The following MCPH1 variants were observed in gnomAD, a reference collection of about 807,000 sequenced individuals.
MCPH1 encodes the protein microcephalin 1.
A neutral mutation model predicts 84.5 loss-of-function variants in MCPH1; 104 were observed. The observed-to-expected ratio is 1.23, with a 90% CI of 1.05 to 1.45. The LOEUF (loss-of-function observed/expected upper bound fraction) is 1.45, where lower values mean the gene tolerates loss of function less well. Among genes scored for constraint, MCPH1 ranks in the 40% most tolerant of loss-of-function variants. The pLI, the probability that MCPH1 is intolerant of heterozygous loss-of-function variation, is 0.00. For synonymous variants in MCPH1, 514 were observed against 366.8 expected, an observed-to-expected ratio of 1.40 and a Z score of -4.58; for missense variants, 1,498 against 1,005.7, an observed-to-expected ratio of 1.49 and a Z score of -6.62.
At chr8:6,569,676 G>A (rs1306585618) in intron 12 of MCPH1, among the ~76,000 whole-genome samples, 1 of 152,212 alleles carries the variant, frequency 6.6e-6, no homozygotes, top group Non-Finnish European at 1.5e-5. Context: ...GTGTGTGTCT[G>A]TCTTTTATGT....
chr8:6,425,916 C>T (rs572127374), intron 3 of MCPH1, among the ~76,000 whole-genome samples: 12 of 152,154 alleles, frequency 7.9e-5, no homozygotes, highest in Non-Finnish European at 1.6e-4. Flanking sequence ...CTACGTCTTT[C>T]GTCCAGATGC....
intron 11 of MCPH1, among the ~76,000 whole-genome samples, chr8:6,498,894 C>G (rs1811610454): frequency 6.6e-6 from 1 of 151,288 alleles, no homozygotes; most frequent in Admixed American, 6.6e-5. Context: ...ACTACAAATA[C>G]AAAAAAAATT....
At chr8:6,474,880 C>T (rs1331794009) in intron 9 of MCPH1, among the ~76,000 whole-genome samples, 2 of 152,194 alleles carry the variant, frequency 1.3e-5, no homozygotes, top group African/African-American at 4.8e-5. Flanking sequence ...TCATAGAAGA[C>T]ATGACTATTT....
intron 12 of MCPH1, among the ~76,000 whole-genome samples, chr8:6,583,004 C>A (rs1827678857): frequency 6.6e-6 from 1 of 152,134 alleles, no homozygotes; most frequent in Admixed American, 6.6e-5. Context: ...TGCACATAGT[C>A]GGCGGTGAGG....
intron 12 of MCPH1, among the ~76,000 whole-genome samples, chr8:6,504,467 C>T (rs902997281): frequency 1.3e-5 from 2 of 152,166 alleles, no homozygotes; most frequent in Non-Finnish European, 2.9e-5. Flanking sequence ...CATCCGGTCT[C>T]CTGATCACTT....
At chr8:6,437,517 C>T (rs570506170) in intron 5 of MCPH1, among the ~76,000 whole-genome samples, 16 of 152,338 alleles carry the variant, frequency 1.1e-4, no homozygotes, top group Non-Finnish European at 1.8e-4. Flanking sequence ...GCGTGAGCCA[C>T]CGCGCCCGGC....
intron 13 of MCPH1, among the ~76,000 whole-genome samples, chr8:6,632,501 T>C (rs1479871864): frequency 1.3e-5 from 2 of 152,146 alleles, no homozygotes; most frequent in African/African-American, 2.4e-5. Flanking sequence ...AAAAAACTCA[T>C]TTGTAAACAA....
intron 8 of MCPH1, chr8:6,445,881 C>T: frequency 1.9e-6 from 2 of 1,055,568 alleles, no homozygotes; most frequent in Non-Finnish European, 2.3e-6. Flanking sequence ...CTTGGCGCTG[C>T]AGCGTGTGTA....
At chr8:6,613,449 G>C (rs544365860) in intron 12 of MCPH1, among the ~76,000 whole-genome samples, 7 of 152,188 alleles carry the variant, frequency 4.6e-5, no homozygotes, top group African/African-American at 1.7e-4. Context: ...GGAGTCACGG[G>C]GGGGTGGTGG....
At chr8:6,467,713 T>A (rs1807156937) in intron 9 of MCPH1, among the ~76,000 whole-genome samples, 1 of 152,136 alleles carries the variant, frequency 6.6e-6, no homozygotes, top group South Asian at 2.1e-4. Flanking sequence ...CCTCCAGCCT[T>A]GGCCTCATGA....
At chr8:6,596,361 C>T (rs149258304) in intron 12 of MCPH1, among the ~76,000 whole-genome samples, 134 of 152,270 alleles carry the variant, frequency 8.8e-4, no homozygotes, top group African/African-American at 3.1e-3. Flanking sequence ...GGCACAGCCC[C>T]CTGCCTGCAT....
rs543538415 is a variant in MCPH1 at position 6,614,330 on chromosome 8, G to A, written c.2215-7124G>A. Among the ~76,000 whole-genome samples, 9 of 152,302 alleles carry A rather than the reference G, an allele frequency of 5.9e-5. No homozygotes were observed. In the South Asian group the frequency reaches 6.2e-4, roughly 11 times the overall value. ...TTCAGATGCCTGCCTCCTCCCATGC[G>A]TGGTGAGGGGCCTGCCTCCTTTATA... On this transcript the variant is annotated intron_variant, in intron 12 of 13. Coordinates refer to ENST00000344683, the MANE Select transcript of MCPH1 (RefSeq NM_024596.5).
chr8:6,474,079 C>T (rs1808120570), intron 9 of MCPH1: 3 of 786,950 alleles, frequency 3.8e-6, no homozygotes, highest in African/African-American at 1.7e-5. Context: ...CTATTCTCAA[C>T]ACAAAAACTA....
At position 6,647,105 on chromosome 8, in the gene MCPH1, T is replaced by A. The variant is rs924046796; in HGVS notation, c.*4056T>A. On this transcript the variant is annotated 3_prime_UTR_variant, in exon 14 of 14. Transcript: ENST00000344683. ...ATGTAAAGAACTCATAACTCATTAATAAAAGGATAAAGAAAAAGCTGAAGA... is the reference window on the plus strand; with the variant it reads ...ATGTAAAGAACTCATAACTCATTAAAAAAAGGATAAAGAAAAAGCTGAAGA... 1 of 151,944 alleles carries A rather than the reference T, an allele frequency of 6.6e-6. No homozygotes were observed. The highest frequency in any genetic ancestry group is 2.4e-5 in the African/African-American group (1 of 41,354). 9.4% of individuals were successfully genotyped at this position (151,944 alleles called of 1,614,324 possible). A position where few individuals can be genotyped will look rare whatever the true frequency, so the allele number is the denominator to read the frequency against.
chr8:6,570,912 A>G (rs1266553267), intron 12 of MCPH1, among the ~76,000 whole-genome samples: 2 of 151,490 alleles, frequency 1.3e-5, no homozygotes, highest in Non-Finnish European at 2.9e-5. Flanking sequence ...CATATTTTAA[A>G]GCTGCACTGT....
intron 12 of MCPH1, among the ~76,000 whole-genome samples, chr8:6,601,125 C>G (rs1436792107): frequency 6.6e-6 from 1 of 152,122 alleles, no homozygotes; most frequent in Non-Finnish European, 1.5e-5. Context: ...TCCCTGCAGC[C>G]ACCACCTGGA....
At chr8:6,611,809 G>C (rs1247763172) in intron 12 of MCPH1, among the ~76,000 whole-genome samples, 1 of 152,148 alleles carries the variant, frequency 6.6e-6, no homozygotes, top group East Asian at 1.9e-4. Flanking sequence ...TAGCGGAGAC[G>C]GGGTTTCACC....
Position 6,414,760 on chromosome 8 carries a change from TAC to T in MCPH1, c.115-3_115-2del. The T allele has an allele frequency of 1.2e-6, 2 of 1,613,442 alleles. No homozygotes were observed. The highest frequency in any genetic ancestry group is 1.7e-6 in the Non-Finnish European group (2 of 1,179,672). ...TACATTTTGTTTTCTGCATTTTGTC[TAC>T]AGGTTTCAAAAACTTTTAACAAACA... On this transcript the variant is annotated splice_region_variant and splice_polypyrimidine_tract_variant and intron_variant, in intron 2 of 13. Transcript: ENST00000344683.
At chr8:6,521,648 A>C (rs1210497211) in intron 12 of MCPH1, among the ~76,000 whole-genome samples, 1 of 152,218 alleles carries the variant, frequency 6.6e-6, no homozygotes, top group Admixed American at 6.5e-5. Flanking sequence ...TTATGCATAC[A>C]CACAAGAAAA....
Sources: gnomAD v4.1 joint callset for allele counts (sites outside exome capture counted in the v4.1 genomes callset) on GRCh38, gnomAD v4.1.1 for gene constraint, MANE v1.5 for transcripts, NCBI Gene and HGNC (gene_info 2026-07-23, HGNC 2026-07-21) for gene names.